PPP2R5A: variants seen among roughly 807,000 people sequenced by gnomAD.
The protein encoded by PPP2R5A is serine/threonine-protein phosphatase 2A 56 kDa regulatory subunit alpha isoform.
PPP2R5A carries 25 observed loss-of-function variants against 64.2 expected under a neutral mutation model. That is an observed-to-expected ratio of 0.39 (90% CI 0.28 to 0.54). The LOEUF (loss-of-function observed/expected upper bound fraction) is 0.54, where lower values mean the gene tolerates loss of function less well. Ranked by LOEUF, PPP2R5A falls within the 20% of genes least tolerant of loss-of-function variation. PPP2R5A has a pLI of 0.67. For synonymous variants in PPP2R5A, 198 were observed against 201.2 expected (o/e 0.98, Z 0.13); for missense variants, 425 against 576.3 (o/e 0.74, Z 2.69).
Position 212,333,498 on chromosome 1 carries a change from T to C in PPP2R5A, c.380T>C (p.Ile127Thr). 1 of 1,532,792 alleles carries C rather than the reference T, an allele frequency of 6.5e-7. No homozygotes were observed. Among genetic ancestry groups the C allele is most frequent in the Non-Finnish European group, 8.8e-7 (1 of 1,132,152 alleles). 94.9% of individuals were successfully genotyped at this position (1,532,792 alleles called of 1,614,324 possible). ...CGTAAAATTATTTTTTCTTTACAGA[T>C]CAGTGCTAACATCTTCCGTACACTT... ...ESAYSDIVKM[I>T]SANIFRTLPP... The change falls in exon 3 of 13, where the codon ATC becomes ACC. Residue 127 changes from isoleucine to threonine, a missense_variant and splice_region_variant. Physicochemically the swap from Ile to Thr is moderately conservative, Grantham distance 89 (BLOSUM62 -1). Around this residue, in one of 4 missense-constraint regions of PPP2R5A, gnomAD observed 140 missense variants for 204.4 expected, o/e 0.68. Transcript: ENST00000261461.
rs1660002049 is a variant in PPP2R5A, at chr1:212,357,635, C to G, written c.1226+351C>G. Among the ~76,000 whole-genome samples the G allele has an allele frequency of 5.2e-5, 7 of 133,946 alleles. No individual in the cohort carries two copies. The South Asian group carries it at 1.7e-3, about 33-fold the overall frequency. 87.9% of individuals were successfully genotyped at this position (133,946 alleles called of 152,430 possible). Reference sequence around the variant, plus strand: ...TGGCTAACACGGTGAAACCCCATCTCTACTAAAACTACAAAAAATTAGCCG... The same window carrying G: ...TGGCTAACACGGTGAAACCCCATCTGTACTAAAACTACAAAAAATTAGCCG... On this transcript the variant is annotated intron_variant, in intron 11 of 12. Transcript: ENST00000261461.
intron 1 of PPP2R5A, among the ~76,000 whole-genome samples, 156 bp from the exon 2 acceptor site, chr1:212,328,979 T>G (rs1465114121): frequency 1.3e-5 from 2 of 152,162 alleles, no homozygotes; most frequent in Middle Eastern, 3.2e-3. Context: ...GAGTCCAGTA[T>G]AAATCCCTGA....
At chr1:212,289,805 CTT>C (rs1234505925) in intron 1 of PPP2R5A, among the ~76,000 whole-genome samples, 1 of 151,694 alleles carries the variant, frequency 6.6e-6, no homozygotes, top group East Asian at 1.9e-4. Flanking sequence ...AAATGGTAAA[CTT>C]TCCTAGTGTA....
intron 1 of PPP2R5A, among the ~76,000 whole-genome samples, chr1:212,312,562 T>G (rs907049259): frequency 1.3e-5 from 2 of 152,208 alleles, no homozygotes; most frequent in Non-Finnish European, 2.9e-5. Flanking sequence ...TTTAGCTTTT[T>G]TTGTAGTAAT....
intron 12 of PPP2R5A, among the ~76,000 whole-genome samples, chr1:212,360,266 C>A (rs1183999542): frequency 6.6e-6 from 1 of 152,192 alleles, no homozygotes; most frequent in East Asian, 1.9e-4. Flanking sequence ...GTGCTTCCTA[C>A]TGACCTAGTG....
chr1:212,298,273 C>A (rs1658732977), intron 1 of PPP2R5A, among the ~76,000 whole-genome samples: 1 of 31,556 alleles, frequency 3.2e-5, no homozygotes, highest in Non-Finnish European at 5.3e-5. Context: ...CCCACCCTTC[C>A]CGCCTTTCTA....
intron 1 of PPP2R5A, among the ~76,000 whole-genome samples, chr1:212,314,749 G>A (rs531869980): frequency 1.3e-5 from 2 of 151,844 alleles, no homozygotes; most frequent in South Asian, 4.2e-4. Context: ...TTTTAGTAGA[G>A]ATGAGGTTTC....
chr1:212,326,360 G>A (rs1007825058), intron 1 of PPP2R5A, among the ~76,000 whole-genome samples: 3 of 151,960 alleles, frequency 2.0e-5, no homozygotes, highest in Non-Finnish European at 2.9e-5. Flanking sequence ...TTGGGAGGCC[G>A]AGGCAGGCGG....
intron 1 of PPP2R5A, among the ~76,000 whole-genome samples, chr1:212,286,679 T>G (rs1291445926): frequency 6.6e-6 from 1 of 152,170 alleles, no homozygotes; most frequent in Non-Finnish European, 1.5e-5. Flanking sequence ...ACCTTCACTT[T>G]CCCGAGTGTC....
chr1:212,360,671 A>G lies in PPP2R5A; in HGVS notation c.1362A>G (p.Leu454=). The change falls in exon 13 of 13, where the codon TTA becomes TTG. Residue 454 remains leucine, a synonymous_variant. Coordinates refer to ENST00000261461, the MANE Select transcript of PPP2R5A (RefSeq NM_006243.4). ...AGAAGGAATTGGAACGTGAAGAATT[A>G]TGGAAAAAATTAGAGGAGCTAAAGC... ...EKKKELEREE[L]WKKLEELKLK... The G allele has an allele frequency of 6.3e-7, 1 of 1,584,398 alleles. No homozygotes were observed. Among genetic ancestry groups the G allele is most frequent in the Non-Finnish European group, 8.6e-7 (1 of 1,167,464 alleles).
chr1:212,313,793 A>C (rs192914252), intron 1 of PPP2R5A: 6 of 152,086 alleles, frequency 3.9e-5, no homozygotes, highest in African/African-American at 1.2e-4. Context: ...GCACAACACC[A>C]TGTGGTTTTA....
intron 1 of PPP2R5A, among the ~76,000 whole-genome samples, chr1:212,308,527 C>T (rs1023170499): frequency 6.6e-6 from 1 of 151,572 alleles, no homozygotes; most frequent in Non-Finnish European, 1.5e-5. Flanking sequence ...TCCTGCCTCA[C>T]CCTCTTGAGT....
At chr1:212,352,210 G>A (rs1368123548) in intron 8 of PPP2R5A, among the ~76,000 whole-genome samples, 1 of 151,042 alleles carries the variant, frequency 6.6e-6, no homozygotes, top group Non-Finnish European at 1.5e-5. Context: ...TGTATTTTTA[G>A]TAGAGATGGA....
intron 1 of PPP2R5A, among the ~76,000 whole-genome samples, chr1:212,311,555 CT>C: frequency 6.6e-6 from 1 of 151,680 alleles, no homozygotes; most frequent in Non-Finnish European, 1.5e-5. Flanking sequence ...ATTTATTATA[CT>C]ATTTTTATCA....
At chr1:212,314,489 T>A (rs970026177) in intron 1 of PPP2R5A, among the ~76,000 whole-genome samples, 2 of 151,784 alleles carry the variant, frequency 1.3e-5, no homozygotes, top group African/African-American at 4.8e-5. Context: ...CTCAACCCTC[T>A]GGCCTCAAGC....
intron 8 of PPP2R5A, 99 bp from the exon 9 acceptor site, chr1:212,356,527 A>G: frequency 9.1e-7 from 1 of 1,097,884 alleles, no homozygotes; most frequent in South Asian, 1.6e-5. Context: ...ATATTGATTT[A>G]CTTCAGAATG....
chr1:212,321,484 G>A (rs867393015), intron 1 of PPP2R5A, among the ~76,000 whole-genome samples: 105 of 147,124 alleles, frequency 7.1e-4, no homozygotes, highest in Middle Eastern at 7.4e-3. Flanking sequence ...TGTGGCTGCC[G>A]GGCGGAGGGG....
intron 1 of PPP2R5A, among the ~76,000 whole-genome samples, chr1:212,318,514 G>A (rs983651689): frequency 8.5e-5 from 13 of 152,160 alleles, no homozygotes; most frequent in Non-Finnish European, 1.3e-4. Flanking sequence ...TATATTAAGT[G>A]CATAGTCAAA....
At chr1:212,298,856 G>A (rs1333765713) in intron 1 of PPP2R5A, among the ~76,000 whole-genome samples, 1 of 40,006 alleles carries the variant, frequency 2.5e-5, no homozygotes. Flanking sequence ...CCTCCCGGAC[G>A]GGGCGGCTGG....
Sources: gnomAD v4.1 joint callset for allele counts (sites outside exome capture counted in the v4.1 genomes callset) on GRCh38, gnomAD v4.1.1 for gene constraint, gnomAD v4.1.1 regional missense constraint, MANE v1.5 for transcripts, NCBI Gene and HGNC (gene_info 2026-07-23, HGNC 2026-07-21) for gene names.